Variants in ABCC11 observed in about 807,000 individuals in gnomAD.
The protein encoded by ABCC11 is ATP binding cassette subfamily C member 11.
ABCC11 carries 135 observed loss-of-function variants against 149.3 expected under a neutral mutation model. The ratio of observed to expected loss-of-function variants is 0.90; its 90% CI spans 0.79 to 1.04. ABCC11 has a LOEUF of 1.04. Among genes scored for constraint, ABCC11 ranks in the 50% least tolerant of loss-of-function variants. The probability of loss-of-function intolerance (pLI) is 0.00; values close to 1 mark genes in which losing one functional copy is unlikely to be tolerated. For synonymous variants in ABCC11, 665 were observed against 671.4 expected (o/e 0.99, Z 0.15); for missense variants, 1,680 against 1,722.1 (o/e 0.98, Z 0.43).
intron 14 of ABCC11, 71 bp downstream of exon 14, chr16:48,203,157 T>A: frequency 6.9e-7 from 1 of 1,450,746 alleles, no homozygotes; most frequent in African/African-American, 1.4e-5. Context: ...CTCCCTTCCC[T>A]GCCTGGGGAG....
At chr16:48,244,339 GCTGT>G (rs1435641512) in intron 1 of ABCC11, 12 of 1,363,846 alleles carry the variant, frequency 8.8e-6, no homozygotes, top group South Asian at 5.7e-5. Context: ...GCCGGGGGCA[GCTGT>G]CTGTCTGGCT....
intron 3 of ABCC11, 80 bp from the exon 4 acceptor site, chr16:48,228,044 AACGAGGTT>A: frequency 7.5e-7 from 1 of 1,335,974 alleles, no homozygotes; most frequent in South Asian, 1.5e-5. Flanking sequence ...ATTAAAACAC[AACGAGGTT>A]ACCCAGATCT....
At chr16:48,225,427 A>G (rs1596827063) in intron 4 of ABCC11, among the ~76,000 whole-genome samples, 1 of 152,138 alleles carries the variant, frequency 6.6e-6, no homozygotes, top group Admixed American at 6.5e-5. Flanking sequence ...CTGCATTTCT[A>G]TGCCATTTAT....
intron 4 of ABCC11, among the ~76,000 whole-genome samples, chr16:48,225,217 A>C: frequency 6.6e-6 from 1 of 152,170 alleles, no homozygotes; most frequent in Non-Finnish European, 1.5e-5. Context: ...TGTCAAAAAA[A>C]TAAAATAAAA....
intron 1 of ABCC11, among the ~76,000 whole-genome samples, chr16:48,239,807 C>T (rs1386040082): frequency 1.3e-5 from 2 of 152,096 alleles, no homozygotes; most frequent in African/African-American, 4.8e-5. Flanking sequence ...CTAGAAGGAA[C>T]TTAAACAAAT....
At chr16:48,227,711 T>C (rs991149236) in intron 4 of ABCC11, 95 bp downstream of exon 4, 131 of 1,545,182 alleles carry the variant, frequency 8.5e-5, no homozygotes, top group Non-Finnish European at 1.1e-4. Flanking sequence ...TCGTCTGGCA[T>C]GGCCCCTCCC....
At chr16:48,174,750 A>C (rs974885799) in intron 26 of ABCC11, among the ~76,000 whole-genome samples, 2 of 152,196 alleles carry the variant, frequency 1.3e-5, no homozygotes, top group Non-Finnish European at 2.9e-5. Flanking sequence ...CTGAGTGCAA[A>C]TGCTTAATGG....
rs1965332722 is a variant in ABCC11, at chr16:48,166,244, A to T, written c.*1030T>A. The stretch of plus-strand genomic sequence containing the variant: ...AGCACATGATTGATCAGGAACAAGC[A>T]CATGACCCAAGCTGGCCCAGTGAGA... On this transcript the variant is annotated 3_prime_UTR_variant, in exon 30 of 30. Transcript: ENST00000356608. 6.6e-6 allele frequency among the ~76,000 whole-genome samples: 1 copy of T among 152,220 alleles called. No homozygotes were observed. The highest frequency in any genetic ancestry group is 2.1e-4 in the South Asian group (1 of 4,828).
chr16:48,175,355 T>C lies in ABCC11; in HGVS notation c.3601A>G (p.Ile1201Val). The C allele has an allele frequency of 6.2e-7, 1 of 1,614,136 alleles. No individual in the cohort carries two copies. Among genetic ancestry groups the C allele is most frequent in the Non-Finnish European group, 8.5e-7 (1 of 1,179,966 alleles). Reference sequence around the variant, plus strand: ...ATGCTGCAAATGTCCACGCCGTCAATGAGAATCCGGCCTGCCATGGGCTCC... The same window carrying C: ...ATGCTGCAAATGTCCACGCCGTCAACGAGAATCCGGCCTGCCATGGGCTCC... The part of the protein sequence containing the change: ...LVEPMAGRIL[I>V]DGVDICSIGL... Residue 1201 changes from isoleucine to valine, a missense_variant, in exon 26 of 30, where the codon ATT (isoleucine) becomes GTT (valine). Ile to Val is a conservative substitution (Grantham distance 29). Transcript: ENST00000356608.
At chr16:48,204,788 GTTT>G (rs1222101491) in intron 13 of ABCC11, among the ~76,000 whole-genome samples, 1 of 152,174 alleles carries the variant, frequency 6.6e-6, no homozygotes, top group East Asian at 1.9e-4. Context: ...ATTCAGAGCA[GTTT>G]TCCTGGACCC....
At position 48,167,264 on chromosome 16, in the gene ABCC11, C is replaced by T. The variant is rs779257881; in HGVS notation, c.*10G>A. The T allele has an allele frequency of 1.2e-6, 1 of 801,054 alleles. No individual in the cohort carries two copies. The highest frequency in any genetic ancestry group is 1.3e-5 in the South Asian group (1 of 74,994). 49.6% of individuals were successfully genotyped at this position (801,054 alleles called of 1,614,324 possible). ...TCAGCTGCCAGCCTCCATGAAGTCT[C>T]CACATCTCCTTATCTCAGTGAAGAA... On this transcript the variant is annotated 3_prime_UTR_variant, in exon 30 of 30. Coordinates refer to ENST00000356608, the MANE Select transcript of ABCC11 (RefSeq NM_001370497.1).
In ABCC11 at chr16:48,211,052, G is replaced by A. The variant is rs1473213618; in HGVS notation, c.1504C>T (p.His502Tyr). Reference sequence around the variant, plus strand: ...GGCCTGGTCATCCCCTCAGAAGCATGCCCGTTCCTCTCCAGCTCCAGTGCC... The same window carrying A: ...GGCCTGGTCATCCCCTCAGAAGCATACCCGTTCCTCTCCAGCTCCAGTGCC... ...NGALELERNG[H>Y]ASEGMTRPRD... The change falls in exon 11 of 30, where the codon CAT becomes TAT. Residue 502 changes from histidine to tyrosine, a missense_variant. By Grantham distance (83) the His-to-Tyr change is moderately conservative. Transcript: ENST00000356608. 1.8e-5 allele frequency: 29 copies of A among 1,614,082 alleles called. No homozygotes were observed. Among genetic ancestry groups the A allele is most frequent in the Non-Finnish European group, 2.4e-5 (28 of 1,180,042 alleles).
chr16:48,213,304 A>G, intron 10 of ABCC11, 139 bp downstream of exon 10: 14 of 665,118 alleles, frequency 2.1e-5, no homozygotes, highest in South Asian at 1.9e-4. Flanking sequence ...CAGCCTTGGA[A>G]CAGGAGGTCA....
intron 9 of ABCC11, 32 bp from the exon 10 acceptor site, chr16:48,213,582 C>G: frequency 6.4e-7 from 1 of 1,558,982 alleles, no homozygotes; most frequent in East Asian, 2.3e-5. Flanking sequence ...TGGTGAGGGT[C>G]GTGGCCCTTC....
intron 1 of ABCC11, chr16:48,232,213 A>G: frequency 2.3e-6 from 1 of 433,828 alleles, no homozygotes; most frequent in Non-Finnish European, 3.7e-6. Flanking sequence ...ATCCTGGGCA[A>G]TCTCCTTTGA....
chr16:48,184,440 C>G lies in ABCC11; in HGVS notation c.3258G>C (p.Gln1086His), dbSNP rs756291300. 3 of 1,613,628 alleles carry G rather than the reference C, an allele frequency of 1.9e-6. No homozygotes were observed. Among genetic ancestry groups the G allele is most frequent in the Non-Finnish European group, 2.5e-6 (3 of 1,179,734 alleles). The change falls in exon 23 of 30, where the codon CAG becomes CAC. Residue 1086 changes from glutamine (Q) to histidine (H), a missense_variant and splice_region_variant. Coordinates refer to ENST00000356608, the MANE Select transcript of ABCC11 (RefSeq NM_001370497.1). Reference protein sequence around the residue: ...FKVMAVNIVLQLASSFQATAR... With the variant: ...FKVMAVNIVLHLASSFQATAR... ...GGCCCACACAGAGTCACCCCCTCACCTGCAGCACGATGTTGACAGCCATGA... is the reference window on the plus strand; with the variant it reads ...GGCCCACACAGAGTCACCCCCTCACGTGCAGCACGATGTTGACAGCCATGA...
At chr16:48,234,230 G>A (rs1163949748) in intron 1 of ABCC11, among the ~76,000 whole-genome samples, 1 of 152,156 alleles carries the variant, frequency 6.6e-6, no homozygotes, top group African/African-American at 2.4e-5. Flanking sequence ...ATCATATACT[G>A]TTTCTACCAT....
intron 23 of ABCC11, among the ~76,000 whole-genome samples, chr16:48,181,345 C>T (rs559608185): frequency 1.1e-4 from 16 of 152,212 alleles, no homozygotes; most frequent in Middle Eastern, 3.4e-3. Flanking sequence ...GTTACTTAAA[C>T]GCTCTAAGCC....
chr16:48,216,002 A>G (rs763861550), intron 7 of ABCC11, 112 bp downstream of exon 7: 15 of 1,190,454 alleles, frequency 1.3e-5, no homozygotes, highest in East Asian at 2.3e-5. Flanking sequence ...CTTAACCACA[A>G]TGGATTGAAA....
Sources: gnomAD v4.1 joint callset for allele counts (sites outside exome capture counted in the v4.1 genomes callset) on GRCh38, gnomAD v4.1.1 for gene constraint, MANE v1.5 for transcripts, NCBI Gene and HGNC (gene_info 2026-07-23, HGNC 2026-07-21) for gene names.